PTK2: variants seen among roughly 807,000 people sequenced by gnomAD.
PTK2 encodes the protein protein tyrosine kinase 2, also known as focal adhesion kinase 1.
In PTK2, 45 loss-of-function variants were observed where a neutral mutation model predicts 150.1. That is an observed-to-expected ratio of 0.30 (90% CI 0.24 to 0.38). The LOEUF (loss-of-function observed/expected upper bound fraction) is 0.38, where lower values mean the gene tolerates loss of function less well. Among genes scored for constraint, PTK2 ranks in the 10% least tolerant of loss-of-function variants. The pLI, the probability that PTK2 is intolerant of heterozygous loss-of-function variation, is 1.00. For synonymous variants in PTK2, 432 were observed against 449.2 expected (o/e 0.96, Z 0.48); for missense variants, 919 against 1,307.3 (o/e 0.70, Z 4.58).
At chr8:140,953,561 G>A (rs1429390041) in intron 1 of PTK2, among the ~76,000 whole-genome samples, 1 of 152,194 alleles carries the variant, frequency 6.6e-6, no homozygotes, top group Non-Finnish European at 1.5e-5. Flanking sequence ...AGATCAGGGT[G>A]CATGAGATTT....
At chr8:140,730,960 C>T (rs1210903324) in intron 22 of PTK2, among the ~76,000 whole-genome samples, 1 of 142,214 alleles carries the variant, frequency 7.0e-6, no homozygotes, top group East Asian at 2.2e-4. Context: ...TAAACCCCCC[C>T]CCCCCTTTTT....
chr8:140,829,747 C>T (rs2154602804), intron 8 of PTK2, among the ~76,000 whole-genome samples: 1 of 152,248 alleles, frequency 6.6e-6, no homozygotes, highest in South Asian at 2.1e-4. Context: ...TAAATATTCA[C>T]ATCAACCCTA....
At chr8:140,830,084 TAC>T (rs67413157) in intron 8 of PTK2, among the ~76,000 whole-genome samples, 36,324 of 149,026 alleles carry the variant, frequency 0.24, 5,888 homozygotes, top group East Asian at 0.52. Context: ...CGCACACACA[TAC>T]ACACACACAC....
chr8:140,754,196 G>T (rs1405944558), intron 16 of PTK2, among the ~76,000 whole-genome samples: 1 of 152,198 alleles, frequency 6.6e-6, no homozygotes, highest in Non-Finnish European at 1.5e-5. Flanking sequence ...TCAAGGAAGG[G>T]GTTCAGGTGG....
chr8:140,777,626 T>C (rs2100079206), intron 14 of PTK2, among the ~76,000 whole-genome samples: 1 of 152,230 alleles, frequency 6.6e-6, no homozygotes, highest in South Asian at 2.1e-4. Context: ...AATCCATAAC[T>C]AAACTCCCAT....
chr8:140,983,058 A>G (rs1201615322), intron 1 of PTK2, among the ~76,000 whole-genome samples: 5 of 152,192 alleles, frequency 3.3e-5, no homozygotes, highest in Non-Finnish European at 7.3e-5. Context: ...CATCCTTACT[A>G]GTGGCAACTA....
intron 22 of PTK2, chr8:140,732,672 G>A (rs772368997): frequency 2.0e-5 from 9 of 450,438 alleles, no homozygotes; most frequent in Non-Finnish European, 3.6e-5. Flanking sequence ...AGTCATCTTT[G>A]CCCCAGTGAC....
chr8:140,877,113 A>G (rs1197551239), intron 4 of PTK2, among the ~76,000 whole-genome samples: 1 of 139,322 alleles, frequency 7.2e-6, no homozygotes, highest in African/African-American at 2.7e-5. Flanking sequence ...GCTCACTGCA[A>G]CCTCCGCCTC....
Position 140,789,469 on chromosome 8 carries a change from C to T in PTK2, c.1177+5G>A. The T allele has an allele frequency of 6.2e-7, 1 of 1,613,248 alleles. No homozygotes were observed. The highest frequency in any genetic ancestry group is 1.7e-5 in the Admixed American group (1 of 59,748). ...TTTCGAGGTCTGCTACCTAGAGCCC[C>T]TTACCTGACACAGAGACGGCGTGTG... On this transcript the variant is annotated splice_donor_5th_base_variant and intron_variant, in intron 14 of 31. Coordinates refer to ENST00000522684, the Ensembl canonical transcript of PTK2.
intron 26 of PTK2, among the ~76,000 whole-genome samples, chr8:140,696,320 G>A (rs988993777): frequency 6.6e-6 from 1 of 152,190 alleles, no homozygotes; most frequent in Admixed American, 6.5e-5. Flanking sequence ...TTGCCCTTAA[G>A]GAACTTACGT....
intron 20 of PTK2, among the ~76,000 whole-genome samples, chr8:140,739,589 A>T (rs1346144677): frequency 6.6e-6 from 1 of 152,234 alleles, no homozygotes; most frequent in Non-Finnish European, 1.5e-5. Context: ...ATGTACACAT[A>T]TATTCGTATC....
chr8:140,769,695 C>A, intron 14 of PTK2, 103 bp from the exon 16 acceptor site: 4 of 662,644 alleles, frequency 6.0e-6, no homozygotes, highest in South Asian at 1.8e-5. Flanking sequence ...ATTAAAATGA[C>A]AAGTAAACCA....
chr8:140,673,342 T>C (rs1224799286), intron 29 of PTK2, among the ~76,000 whole-genome samples: 1 of 152,070 alleles, frequency 6.6e-6, no homozygotes, highest in African/African-American at 2.4e-5. Flanking sequence ...ACTCCTGACC[T>C]TGTGATCCGC....
chr8:140,716,445 G>A (rs1021725405), intron 23 of PTK2, among the ~76,000 whole-genome samples: 1 of 152,156 alleles, frequency 6.6e-6, no homozygotes, highest in Non-Finnish European at 1.5e-5. Context: ...TCACTGCCTC[G>A]TTCAATGTAA....
At chr8:140,761,071 TAGA>T in intron 16 of PTK2, 91 bp downstream of exon 19, 1 of 804,036 alleles carries the variant, frequency 1.2e-6, no homozygotes, top group Non-Finnish European at 2.1e-6. Context: ...TATTAATACC[TAGA>T]AGAACTAAGG....
intron 27 of PTK2, among the ~76,000 whole-genome samples, chr8:140,683,438 T>TAGC (rs1439588499): frequency 2.6e-5 from 4 of 152,184 alleles, no homozygotes; most frequent in Non-Finnish European, 5.9e-5. Flanking sequence ...GATGAGCTGG[T>TAGC]AGCACTCTTA....
intron 17 of PTK2, chr8:140,751,898 C>A: frequency 1.9e-6 from 1 of 532,434 alleles, no homozygotes. Context: ...GTGTGTCATG[C>A]TCACCTCTGC....
intron 29 of PTK2, chr8:140,669,301 G>GTGTATATATATATATATATA (rs1554641612): frequency 6.1e-5 from 6 of 97,984 alleles, no homozygotes; most frequent in African/African-American, 2.3e-4. Context: ...GCATAAAATG[G>GTGTATATATATATATATATA]TATATATATA....
chr8:140,895,768 C>T (rs536220541), intron 2 of PTK2, among the ~76,000 whole-genome samples: 2 of 152,004 alleles, frequency 1.3e-5, no homozygotes, highest in African/African-American at 4.8e-5. Flanking sequence ...GTGATGGATA[C>T]CCCATTTAGC....
Sources: gnomAD v4.1 joint callset for allele counts (sites outside exome capture counted in the v4.1 genomes callset) on GRCh38, gnomAD v4.1.1 for gene constraint, MANE v1.5 for transcripts, NCBI Gene and HGNC (gene_info 2026-07-23, HGNC 2026-07-21) for gene names.